The following MBD5 variants were observed in gnomAD, a reference collection of about 807,000 sequenced individuals.
MBD5 encodes methyl-CpG-binding domain protein 5.
MBD5 carries 13 observed loss-of-function variants against 117.3 expected under a neutral mutation model. The ratio of observed to expected loss-of-function variants is 0.11; its 90% confidence interval spans 0.07 to 0.18. The LOEUF (loss-of-function observed/expected upper bound fraction) is 0.18, where lower values mean the gene tolerates loss of function less well. MBD5 is among the 10% of genes least tolerant of loss of function. MBD5 has a pLI of 1.00. For synonymous variants in MBD5, 727 were observed against 766.4 expected (o/e 0.95, Z 0.85); for missense variants, 1,879 against 2,093.8 (o/e 0.90, Z 2.00).
At chr2:148,345,565 ACG>A (rs1295681187) in intron 4 of MBD5, among the ~76,000 whole-genome samples, 19,798 of 81,356 alleles carry the variant, frequency 0.24, 2,557 homozygotes, top group Non-Finnish European at 0.26. Context: ...ATGTATATAC[ACG>A]TATACACATA....
At chr2:148,420,257 T>C (rs1705559392) in intron 4 of MBD5, among the ~76,000 whole-genome samples, 2 of 152,176 alleles carry the variant, frequency 1.3e-5, no homozygotes, top group South Asian at 4.1e-4. Context: ...TCCTCCCTTA[T>C]ACTCATACTG....
At chr2:148,304,687 G>A (rs1052357256) in intron 3 of MBD5, among the ~76,000 whole-genome samples, 1 of 152,178 alleles carries the variant, frequency 6.6e-6, no homozygotes, top group Non-Finnish European at 1.5e-5. Context: ...AAGGAGCAGA[G>A]TGGGTGTCAG....
chr2:148,450,173 C>T (rs898081800), intron 4 of MBD5, among the ~76,000 whole-genome samples: 8 of 152,058 alleles, frequency 5.3e-5, no homozygotes, highest in African/African-American at 1.9e-4. Flanking sequence ...GTGCTAGGCA[C>T]ATCTACATTA....
chr2:148,440,029 G>A (rs1289248905), intron 4 of MBD5, among the ~76,000 whole-genome samples: 15 of 152,014 alleles, frequency 9.9e-5, no homozygotes, highest in East Asian at 5.8e-4. Flanking sequence ...GTGAGCCACC[G>A]CACCTGGCGC....
intron 4 of MBD5, among the ~76,000 whole-genome samples, chr2:148,359,696 TA>T (rs1218809617): frequency 9.9e-5 from 15 of 152,218 alleles, no homozygotes; most frequent in Non-Finnish European, 1.9e-4. Context: ...ATAATAGGAA[TA>T]AACTCTTTAT....
At chr2:148,292,285 A>G (rs757659035) in intron 3 of MBD5, among the ~76,000 whole-genome samples, 9 of 152,232 alleles carry the variant, frequency 5.9e-5, no homozygotes, top group African/African-American at 2.2e-4. Flanking sequence ...GACAACAAAC[A>G]GAATGGGAGA....
intron 3 of MBD5, among the ~76,000 whole-genome samples, chr2:148,324,980 A>G (rs1190632406): frequency 6.6e-6 from 1 of 152,142 alleles, no homozygotes; most frequent in Non-Finnish European, 1.5e-5. Context: ...TTTGTCATAG[A>G]TAGCTCTTTT....
intron 2 of MBD5, among the ~76,000 whole-genome samples, chr2:148,197,163 G>A (rs926525360): frequency 6.6e-6 from 1 of 152,064 alleles, no homozygotes; most frequent in African/African-American, 2.4e-5. Flanking sequence ...AGGCAATCCC[G>A]TTCTGCTAGG....
At chr2:148,045,478 G>C (rs1694495237) in intron 1 of MBD5, among the ~76,000 whole-genome samples, 1 of 152,154 alleles carries the variant, frequency 6.6e-6, no homozygotes, top group South Asian at 2.1e-4. Context: ...ATATTAATTT[G>C]GTGGCTTATC....
At chr2:148,086,189 TTGTGTG>T (rs35844154) in intron 1 of MBD5, among the ~76,000 whole-genome samples, 2 of 149,812 alleles carry the variant, frequency 1.3e-5, no homozygotes, top group Non-Finnish European at 3.0e-5. Flanking sequence ...TAAAATGTGT[TTGTGTG>T]TGTGTGTGTG....
chr2:148,213,223 A>G (rs533818273), intron 2 of MBD5, among the ~76,000 whole-genome samples: 1 of 152,308 alleles, frequency 6.6e-6, no homozygotes, highest in South Asian at 2.1e-4. Context: ...TCTTTAGTAT[A>G]GTGTTCCTCA....
chr2:148,058,537 C>CA (rs1553468029), intron 1 of MBD5, among the ~76,000 whole-genome samples: 5 of 150,524 alleles, frequency 3.3e-5, no homozygotes, highest in African/African-American at 7.3e-5. Context: ...ATTGCAAATG[C>CA]TTTTTTTTTA....
chr2:148,349,406 A>T (rs766252132), intron 4 of MBD5, among the ~76,000 whole-genome samples: 4 of 151,962 alleles, frequency 2.6e-5, no homozygotes, highest in Non-Finnish European at 4.4e-5. Flanking sequence ...TACTGCACTT[A>T]TATTTTTATT....
At chr2:148,326,527 G>C (rs551122876) in intron 3 of MBD5, among the ~76,000 whole-genome samples, 2 of 152,128 alleles carry the variant, frequency 1.3e-5, no homozygotes, top group Non-Finnish European at 2.9e-5. Context: ...CTCCTGTATT[G>C]GGTGCACATA....
At chr2:148,228,813 C>G (rs957392581) in intron 2 of MBD5, among the ~76,000 whole-genome samples, 6 of 152,160 alleles carry the variant, frequency 3.9e-5, no homozygotes, top group African/African-American at 1.2e-4. Flanking sequence ...TTCAGAGATT[C>G]AACTTCTTCC....
At chr2:148,308,491 C>CTTTTTTTT (rs60650324) in intron 3 of MBD5, among the ~76,000 whole-genome samples, 5 of 66,772 alleles carry the variant, frequency 7.5e-5, no homozygotes, top group African/African-American at 2.0e-4. Flanking sequence ...GGGGTTCTTT[C>CTTTTTTTT]TTTTTTTTTT....
At chr2:148,219,771 C>A (rs186542557) in intron 2 of MBD5, among the ~76,000 whole-genome samples, 53 of 152,298 alleles carry the variant, frequency 3.5e-4, no homozygotes, top group African/African-American at 1.2e-3. Context: ...CATTACCTAA[C>A]TTCACATTAT....
rs549939255 is a variant in MBD5, at chr2:148,312,677, C to G, written c.-679-29537C>G. On this transcript the variant is annotated intron_variant, in intron 3 of 13. Coordinates refer to ENST00000642680, the MANE Select transcript of MBD5 (RefSeq NM_001378120.1). ...TCAATTTGTCAGACTTGTTCTCTGT[C>G]CAGTTTTGTTCCCTTGCTGGTGAGG... Among the ~76,000 whole-genome samples the G allele has an allele frequency of 3.3e-5, 5 of 152,228 alleles. No individual in the cohort carries two copies. The South Asian group carries it at 1.0e-3, about 32-fold the overall frequency.
intron 1 of MBD5, among the ~76,000 whole-genome samples, chr2:148,074,840 T>C (rs1251388096): frequency 2.0e-5 from 3 of 151,954 alleles, no homozygotes; most frequent in Non-Finnish European, 2.9e-5. Flanking sequence ...CAGTAATGAT[T>C]TGGAAATGAT....
Sources: allele counts gnomAD v4.1 joint callset (sites outside exome capture counted in the v4.1 genomes callset), GRCh38; gene constraint gnomAD v4.1.1; transcripts MANE v1.5; gene names NCBI Gene and HGNC (gene_info 2026-07-23, HGNC 2026-07-21).